The following DMD variants were observed in gnomAD, a reference collection of about 807,000 sequenced individuals.
DMD encodes the protein mutant dystrophin.
Under a neutral mutation model 330.1 loss-of-function variants are expected in DMD, and 63 were observed. That is an observed-to-expected ratio of 0.19 (90% confidence interval 0.16 to 0.24). The LOEUF (loss-of-function observed/expected upper bound fraction) is 0.24. DMD is among the 10% of genes least tolerant of loss of function. The pLI is 1.00. For missense variants in DMD, 3,344 were observed against 2,684.1 expected (o/e 1.25, Z -5.43); for synonymous variants, 1,223 against 959.8 (o/e 1.27, Z -5.07).
At position 33,127,664 on chromosome X, in the gene DMD, C is replaced by CAT. The variant is rs766301176; in HGVS notation, c.31+83616_31+83617dup. On this transcript the variant is annotated intron_variant, in intron 1 of 78. Coordinates refer to ENST00000357033, the MANE Select transcript of DMD (RefSeq NM_004006.3). ...ATGTACATATATGCATAAATAAGCC[C>CAT]ATATATATATGTGAAACACAGGTTT... Among the ~76,000 whole-genome samples the CAT allele has an allele frequency of 1.7e-4, 17 of 100,014 alleles. No individual in the cohort carries two copies. In the South Asian group the frequency reaches 2.0e-3, roughly 12 times the overall value. The allele number at this position is 100,014 out of a possible 115,157, so 86.9% of individuals were successfully genotyped here.
intron 44 of DMD, among the ~76,000 whole-genome samples, chrX:32,009,448 A>T (rs2095688665): frequency 8.9e-6 from 1 of 112,410 alleles, no homozygotes; most frequent in Non-Finnish European, 1.9e-5. Context: ...GTTAGTAGAC[A>T]TAAATAATTT....
intron 44 of DMD, among the ~76,000 whole-genome samples, chrX:31,987,679 C>T (rs2095519158): frequency 1.8e-5 from 2 of 111,759 alleles, no homozygotes; most frequent in South Asian, 7.5e-4. Flanking sequence ...TATCAAAATA[C>T]AAAAGATAAA....
intron 47 of DMD, among the ~76,000 whole-genome samples, chrX:31,923,029 T>C (rs190705473): frequency 9.0e-6 from 1 of 111,630 alleles, no homozygotes; most frequent in African/African-American, 3.3e-5. Flanking sequence ...ATGTTTGTTC[T>C]CATAACTAGA....
intron 42 of DMD, among the ~76,000 whole-genome samples, chrX:32,299,103 A>G (rs1364742116): frequency 9.0e-6 from 1 of 110,836 alleles, no homozygotes; most frequent in Non-Finnish European, 1.9e-5. Flanking sequence ...AAAATGGGTG[A>G]TCTAGGATGT....
chrX:32,951,657 TC>T (rs1462483730), intron 2 of DMD, among the ~76,000 whole-genome samples: 1 of 111,864 alleles, frequency 8.9e-6, no homozygotes, highest in African/African-American at 3.2e-5. Context: ...GTTTCCTCTA[TC>T]CCAAAGCATT....
chrX:32,739,500 G>A (rs1205049133), intron 7 of DMD, among the ~76,000 whole-genome samples: 1 of 111,815 alleles, frequency 8.9e-6, no homozygotes, highest in Non-Finnish European at 1.9e-5. Context: ...TATGGAAAAG[G>A]TATAGGCAAT....
At chrX:31,300,756 C>A (rs1328923275) in intron 62 of DMD, among the ~76,000 whole-genome samples, 3 of 111,792 alleles carry the variant, frequency 2.7e-5, no homozygotes, top group African/African-American at 9.8e-5. Flanking sequence ...ATGTTTTCCA[C>A]AGTGAACATT....
chrX:31,999,706 T>C (rs2095612617), intron 44 of DMD, among the ~76,000 whole-genome samples: 3 of 111,982 alleles, frequency 2.7e-5, no homozygotes, highest in Admixed American at 9.5e-5. Flanking sequence ...AGTTACTTAC[T>C]GAATTCCAGA....
rs188844686 is a variant in DMD at position 32,057,224 on chromosome X, C to T, written c.6439-88710G>A. On this transcript the variant is annotated intron_variant, in intron 44 of 78. Coordinates refer to ENST00000357033, the MANE Select transcript of DMD (RefSeq NM_004006.3). ...ATCAGAAACAAGACAAGAATGCACACTTTTGCCACTTCTTTTCAAAATCGT... is the reference window on the plus strand; with the variant it reads ...ATCAGAAACAAGACAAGAATGCACATTTTTGCCACTTCTTTTCAAAATCGT... 8.7e-3 allele frequency among the ~76,000 whole-genome samples: 972 copies of T among 111,737 alleles called. 4 individuals are homozygous for T. The highest frequency in any genetic ancestry group is 0.014 in the Non-Finnish European group (752 of 52,840).
chrX:31,615,206 C>T (rs2078132159), intron 55 of DMD, among the ~76,000 whole-genome samples: 1 of 111,708 alleles, frequency 9.0e-6, no homozygotes, highest in Admixed American at 9.5e-5. Flanking sequence ...CTTTTCCTGA[C>T]CTTTTCAATT....
intron 7 of DMD, among the ~76,000 whole-genome samples, chrX:32,767,592 A>G (rs1454628187): frequency 9.0e-6 from 1 of 111,617 alleles, no homozygotes; most frequent in Non-Finnish European, 1.9e-5. Context: ...AAATTTTGTA[A>G]TGAGGTGGGT....
chrX:32,090,305 A>G (rs1261465749), intron 44 of DMD, among the ~76,000 whole-genome samples: 2 of 111,828 alleles, frequency 1.8e-5, no homozygotes, highest in Non-Finnish European at 1.9e-5. Flanking sequence ...AAACAGGAAA[A>G]GTGAAATTTA....
chrX:32,964,128 C>A (rs754566215), intron 2 of DMD, among the ~76,000 whole-genome samples: 3 of 106,623 alleles, frequency 2.8e-5, no homozygotes, highest in Non-Finnish European at 3.9e-5. Flanking sequence ...TGGTGGTGCG[C>A]GTCTGTAGTC....
Position 32,672,071 on chromosome X carries a change from T to G in DMD, c.960+25799A>C, listed in dbSNP as rs1026109645. 5.4e-5 allele frequency among the ~76,000 whole-genome samples: 6 copies of G among 111,901 alleles called. 1 individual carries two copies. The highest frequency in any genetic ancestry group is 2.8e-4 in the East Asian group (1 of 3,574). Reference sequence around the variant, plus strand: ...TTTATGACATATATTTATCTTCATGTATATGAGAACACCTAGCATAGTCCT... The same window carrying G: ...TTTATGACATATATTTATCTTCATGGATATGAGAACACCTAGCATAGTCCT... On this transcript the variant is annotated intron_variant, in intron 9 of 78. Coordinates refer to ENST00000357033, the MANE Select transcript of DMD (RefSeq NM_004006.3).
chrX:31,597,594 C>T lies in DMD; in HGVS notation c.8217+30079G>A, dbSNP rs1259399794. Among the ~76,000 whole-genome samples the T allele has an allele frequency of 3.6e-5, 4 of 111,703 alleles. No homozygotes were observed. The Admixed American group carries it at 3.8e-4, about 11-fold the overall frequency. ...AATAAGCTTTTCTGGTTTTCCAATTCCTGGTTTTCTAATTCACTGTGCAAG... is the reference window on the plus strand; with the variant it reads ...AATAAGCTTTTCTGGTTTTCCAATTTCTGGTTTTCTAATTCACTGTGCAAG... On this transcript the variant is annotated intron_variant, in intron 55 of 78. Coordinates refer to ENST00000357033, the MANE Select transcript of DMD (RefSeq NM_004006.3).
chrX:32,691,902 T>G (rs1489964367), intron 9 of DMD, among the ~76,000 whole-genome samples: 1 of 111,523 alleles, frequency 9.0e-6, no homozygotes, highest in Admixed American at 9.5e-5. Context: ...AATAAGACAG[T>G]CACATAAGGA....
intron 9 of DMD, among the ~76,000 whole-genome samples, chrX:32,658,270 G>C (rs759946578): frequency 9.0e-6 from 1 of 110,898 alleles, no homozygotes; most frequent in East Asian, 2.8e-4. Flanking sequence ...CCAAAATATA[G>C]AAACTTATCT....
At chrX:32,048,647 T>A (rs188188683) in intron 44 of DMD, among the ~76,000 whole-genome samples, 20 of 110,727 alleles carry the variant, frequency 1.8e-4, no homozygotes, top group African/African-American at 5.9e-4. Flanking sequence ...TCTGATATTT[T>A]ATCATATTTA....
At chrX:32,134,842 T>C (rs2096716707) in intron 44 of DMD, among the ~76,000 whole-genome samples, 1 of 111,926 alleles carries the variant, frequency 8.9e-6, no homozygotes. Context: ...AAAAGTATCC[T>C]CAGAGATGAA....
Sources: allele counts gnomAD v4.1 joint callset (sites outside exome capture counted in the v4.1 genomes callset), GRCh38; gene constraint gnomAD v4.1.1; transcripts MANE v1.5; gene names NCBI Gene and HGNC (gene_info 2026-07-23, HGNC 2026-07-21).